The following LPP variants were observed in gnomAD, a reference collection of about 807,000 sequenced individuals.
LPP encodes lipoma-preferred partner.
In LPP, 38 loss-of-function variants were observed where a neutral mutation model predicts 60.4. The ratio of observed to expected loss-of-function variants is 0.63; its 90% CI spans 0.49 to 0.83. The LOEUF (loss-of-function observed/expected upper bound fraction) is 0.83, where lower values mean the gene tolerates loss of function less well. Ranked by LOEUF, LPP falls within the 40% of genes least tolerant of loss-of-function variation. LPP has a pLI of 0.00. For missense variants in LPP, 902 were observed against 783.6 expected, an observed-to-expected ratio of 1.15 and a Z score of -1.80; for synonymous variants, 328 against 290.8, an observed-to-expected ratio of 1.13 and a Z score of -1.30.
chr3:188,609,390 C>T lies in LPP; in HGVS notation c.659C>T (p.Thr220Ile), dbSNP rs1221322594. The change falls in exon 7 of 12, where the codon ACC becomes ATC. Residue 220 changes from threonine (T) to isoleucine (I), a missense_variant. Thr to Ile is a moderately conservative substitution (Grantham distance 89). Transcript: ENST00000617246. This position sits in a 1 kb window ranked among gnomAD's most constrained non-coding sequence, Gnocchi z 6.9. Reference sequence around the variant, plus strand: ...ACGGCCTCCACTTCTTCAAGGCCTACCTTTAATGTGCAGGTGAAGTCAGCC... The same window carrying T: ...ACGGCCTCCACTTCTTCAAGGCCTATCTTTAATGTGCAGGTGAAGTCAGCC... ...YTTASTSSRP[T>I]FNVQVKSAQP... The T allele has an allele frequency of 3.7e-6, 6 of 1,614,030 alleles. No homozygotes were observed. The East Asian group carries it at 6.7e-5, about 18-fold the overall frequency.
At chr3:188,585,843 T>C (rs1837315739) in intron 6 of LPP, among the ~76,000 whole-genome samples, 2 of 152,250 alleles carry the variant, frequency 1.3e-5, no homozygotes, top group Non-Finnish European at 2.9e-5. Flanking sequence ...AACATACCTG[T>C]ATATTTATGT....
rs1064607 is a variant in LPP, at chr3:188,877,884, G to C, written c.*3405G>C. 0.47 allele frequency: 100,620 copies of C among 215,308 alleles called. 24,211 individuals are homozygous for C. The highest frequency in any genetic ancestry group is 0.52 in the Non-Finnish European group (55,065 of 106,798). The allele number at this position is 215,308 out of a possible 1,614,324, so 13.3% of individuals were successfully genotyped here. Reference sequence around the variant, plus strand: ...TTAACACATTGTTATTTCTGTAGGAGCAACTTCTCTGATCAAAATTACTTT... The same window carrying C: ...TTAACACATTGTTATTTCTGTAGGACCAACTTCTCTGATCAAAATTACTTT... On this transcript the variant is annotated 3_prime_UTR_variant, in exon 12 of 12. Transcript: ENST00000617246.
intron 9 of LPP, among the ~76,000 whole-genome samples, chr3:188,805,596 T>C (rs1748877722): frequency 6.6e-6 from 1 of 151,904 alleles, no homozygotes. Flanking sequence ...CTCTCAATTA[T>C]ATTGACTTCT....
intron 8 of LPP, among the ~76,000 whole-genome samples, chr3:188,755,764 C>G (rs1226211375): frequency 7.7e-6 from 1 of 130,362 alleles, no homozygotes; most frequent in Admixed American, 8.7e-5. Context: ...GAACCATGAT[C>G]GCACTACTGC....
chr3:188,473,471 G>A (rs1206210663), intron 4 of LPP, among the ~76,000 whole-genome samples: 1 of 152,068 alleles, frequency 6.6e-6, no homozygotes, highest in Non-Finnish European at 1.5e-5. Context: ...CTTAACCAGC[G>A]CTATACGCCA....
At chr3:188,275,342 G>C (rs1346666319) in intron 2 of LPP, among the ~76,000 whole-genome samples, 1 of 152,176 alleles carries the variant, frequency 6.6e-6, no homozygotes, top group Admixed American at 6.5e-5. Flanking sequence ...GCCATAAACT[G>C]TGTTACCCAC....
intron 2 of LPP, among the ~76,000 whole-genome samples, chr3:188,255,759 A>T (rs1731448460): frequency 6.6e-6 from 1 of 152,168 alleles, no homozygotes; most frequent in African/African-American, 2.4e-5. Context: ...ACCTTTAAGG[A>T]TGCACTGACT....
intron 7 of LPP, among the ~76,000 whole-genome samples, chr3:188,681,530 A>G (rs1326342613): frequency 6.6e-6 from 1 of 152,136 alleles, no homozygotes; most frequent in Non-Finnish European, 1.5e-5. Flanking sequence ...GTAATGCCTT[A>G]ACTCTATGCC....
chr3:188,791,607 C>T (rs1743781423), intron 9 of LPP, among the ~76,000 whole-genome samples: 1 of 151,890 alleles, frequency 6.6e-6, no homozygotes, highest in South Asian at 2.1e-4. Context: ...TACTGTTCTC[C>T]ATTGCACCAT....
At chr3:188,704,626 C>A (rs1451072788) in intron 7 of LPP, among the ~76,000 whole-genome samples, 1 of 152,160 alleles carries the variant, frequency 6.6e-6, no homozygotes, top group Non-Finnish European at 1.5e-5. Context: ...GATTAGAACA[C>A]TCTTCTAAAA....
intron 4 of LPP, among the ~76,000 whole-genome samples, chr3:188,442,975 A>T (rs113078454): frequency 2.8e-4 from 42 of 152,066 alleles, no homozygotes; most frequent in South Asian, 1.0e-3. Context: ...TATTTGTAAA[A>T]CCATTTTGGA....
intron 7 of LPP, among the ~76,000 whole-genome samples, chr3:188,702,590 T>C (rs1029673032): frequency 6.6e-6 from 1 of 152,184 alleles, no homozygotes; most frequent in Non-Finnish European, 1.5e-5. Flanking sequence ...CGTAGGAGAT[T>C]TATGTTAAGA....
chr3:188,355,904 C>T (rs116324381), intron 3 of LPP, among the ~76,000 whole-genome samples: 5,928 of 152,224 alleles, frequency 0.039, 153 homozygotes, highest in Non-Finnish European at 0.06. Context: ...ATTTGAGTTG[C>T]GTGTCTCCCA....
chr3:188,309,020 TTC>T (rs1272578679), intron 2 of LPP, among the ~76,000 whole-genome samples: 14 of 108,628 alleles, frequency 1.3e-4, no homozygotes, highest in East Asian at 3.9e-4. Flanking sequence ...TTTCTTCTTC[TTC>T]TTTTTTTTTT....
At chr3:188,798,823 C>T (rs573035238) in intron 9 of LPP, among the ~76,000 whole-genome samples, 4 of 152,352 alleles carry the variant, frequency 2.6e-5, no homozygotes, top group South Asian at 4.1e-4. Context: ...AGGGAAATTT[C>T]ACCGTCTGTG....
At chr3:188,266,237 C>T (rs1735480850) in intron 2 of LPP, among the ~76,000 whole-genome samples, 1 of 152,092 alleles carries the variant, frequency 6.6e-6, no homozygotes, top group South Asian at 2.1e-4. Flanking sequence ...TCCAAAGGTT[C>T]CAAGCACATT....
chr3:188,447,883 T>C (rs1795641634), intron 4 of LPP, among the ~76,000 whole-genome samples: 2 of 152,160 alleles, frequency 1.3e-5, no homozygotes, highest in African/African-American at 4.8e-5. Context: ...TTCTATTTTG[T>C]TTACTACCAT....
chr3:188,240,895 G>A (rs1399099868), intron 2 of LPP, among the ~76,000 whole-genome samples: 2 of 152,196 alleles, frequency 1.3e-5, no homozygotes, highest in Non-Finnish European at 2.9e-5. Flanking sequence ...AAAAAGTTCC[G>A]TGTGGAGAGC....
chr3:188,240,045 T>C (rs1723379733), intron 2 of LPP: 1 of 197,484 alleles, frequency 5.1e-6, no homozygotes, highest in Middle Eastern at 1.8e-3. Flanking sequence ...GAGATGGGAC[T>C]TGAGCACCTA....
Sources: gnomAD v4.1 joint callset for allele counts (sites outside exome capture counted in the v4.1 genomes callset) on GRCh38, gnomAD v4.1.1 for gene constraint, Gnocchi (gnomAD v3.1) non-coding constraint, MANE v1.5 for transcripts, NCBI Gene and HGNC (gene_info 2026-07-23, HGNC 2026-07-21) for gene names.